The following EFCAB5 variants were observed in gnomAD, a reference collection of about 807,000 sequenced individuals.
EFCAB5 encodes EF-hand calcium binding domain 5, also known as EF-hand calcium-binding domain-containing protein 5.
In EFCAB5, 131 loss-of-function variants were observed where a neutral mutation model predicts 167.9. The ratio of observed to expected loss-of-function variants is 0.78; its 90% CI spans 0.68 to 0.90. The LOEUF is 0.90. Ranked by LOEUF, EFCAB5 falls within the 40% of genes least tolerant of loss-of-function variation. The pLI, the probability that EFCAB5 is intolerant of heterozygous loss-of-function variation, is 0.00. For synonymous variants in EFCAB5, 574 were observed against 602.8 expected, an observed-to-expected ratio of 0.95 and a Z score of 0.70; for missense variants, 1,663 against 1,745.2, an observed-to-expected ratio of 0.95 and a Z score of 0.84.
At chr17:30,009,754 T>C (rs7217638) in intron 7 of EFCAB5, among the ~76,000 whole-genome samples, 92,755 of 151,960 alleles carry the variant, frequency 0.61, 30,255 homozygotes, top group African/African-American at 0.85. Context: ...AGTGGAATTG[T>C]TGGGTCATGT....
intron 14 of EFCAB5, chr17:30,073,153 T>A (rs1176702576): frequency 1.4e-6 from 1 of 699,582 alleles, no homozygotes; most frequent in South Asian, 1.5e-5. Context: ...ACTCCCGGAC[T>A]CAAGCGATCA....
chr17:30,055,878 C>G lies in EFCAB5; in HGVS notation c.2195-10C>G. 1 of 1,608,766 alleles carries G rather than the reference C, an allele frequency of 6.2e-7. No individual in the cohort carries two copies. The highest frequency in any genetic ancestry group is 1.3e-5 in the African/African-American group (1 of 74,538). ...TCTAATTCATAAGCATTTTCATTTG[C>G]ACCTTTTAGAAACTACAAAAAAGGA... On this transcript the variant is annotated splice_polypyrimidine_tract_variant and intron_variant, in intron 10 of 22. Transcript: ENST00000394835.
intron 3 of EFCAB5, among the ~76,000 whole-genome samples, chr17:29,957,608 T>C (rs949094841): frequency 2.0e-5 from 3 of 152,148 alleles, no homozygotes; most frequent in Non-Finnish European, 4.4e-5. Context: ...TGTTAGTTTG[T>C]TGAGGATAAT....
Position 30,034,255 on chromosome 17 carries a change from TGAA to T in EFCAB5, c.1073_1075del (p.Lys358del), listed in dbSNP as rs1428556671. 5 of 1,613,872 alleles carry T rather than the reference TGAA, an allele frequency of 3.1e-6. No homozygotes were observed. Among genetic ancestry groups the T allele is most frequent in the Non-Finnish European group, 4.2e-6 (5 of 1,179,878 alleles). ...TACATCTCTTCACATATTAAAGACT[TGAA>T]GAGTGAAATGTTTGAGGAACTTCTT... On this transcript the variant is annotated inframe_deletion, in exon 8 of 23. Coordinates refer to ENST00000394835, the MANE Select transcript of EFCAB5 (RefSeq NM_198529.4).
intron 5 of EFCAB5, among the ~76,000 whole-genome samples, chr17:29,993,788 A>G (rs1297303791): frequency 3.9e-5 from 6 of 152,146 alleles, no homozygotes; most frequent in Non-Finnish European, 8.8e-5. Context: ...AAATAGATCA[A>G]GGAAGACAAG....
intron 14 of EFCAB5, among the ~76,000 whole-genome samples, chr17:30,064,925 A>G (rs1176963503): frequency 6.6e-6 from 1 of 152,210 alleles, no homozygotes; most frequent in African/African-American, 2.4e-5. Flanking sequence ...AAGTGCTGAA[A>G]GAAAAAAAAA....
chr17:29,964,806 A>C (rs2067793512), intron 3 of EFCAB5, among the ~76,000 whole-genome samples: 1 of 148,572 alleles, frequency 6.7e-6, no homozygotes, highest in South Asian at 2.1e-4. Context: ...GTTTATCTCT[A>C]CTTTAACCTT....
chr17:30,101,613 C>T (rs149902759), intron 22 of EFCAB5, among the ~76,000 whole-genome samples: 4 of 152,188 alleles, frequency 2.6e-5, no homozygotes, highest in East Asian at 3.9e-4. Context: ...GATATAAAAT[C>T]GAGATTGGTT....
In EFCAB5 at chr17:30,064,649, C is replaced by T. The variant is rs564112501; in HGVS notation, c.2737+4948C>T. On this transcript the variant is annotated intron_variant, in intron 14 of 22. Transcript: ENST00000394835. ...TCCCAAGTCTGGGGAGATATATGGA[C>T]GTCCAGATCCAGGAAGCTCAAAATT... Among the ~76,000 whole-genome samples, 42 of 152,238 alleles carry T rather than the reference C, an allele frequency of 2.8e-4. 1 individual carries two copies. In the South Asian group the frequency reaches 5.2e-3, roughly 19 times the overall value.
chr17:29,941,093 A>T (rs1039281932), upstream of EFCAB5, among the ~76,000 whole-genome samples: 1 of 152,110 alleles, frequency 6.6e-6, no homozygotes, highest in Non-Finnish European at 1.5e-5. Context: ...GATACATACT[A>T]TTTCAAATTA....
intron 4 of EFCAB5, 110 bp from the exon 5 acceptor site, chr17:29,993,054 TG>T: frequency 8.8e-7 from 1 of 1,140,124 alleles, no homozygotes; most frequent in Non-Finnish European, 1.2e-6. Flanking sequence ...AAAGATTTTA[TG>T]GAGAAAAGAC....
At chr17:29,951,602 G>A (rs536754380) in intron 3 of EFCAB5, among the ~76,000 whole-genome samples, 8 of 151,590 alleles carry the variant, frequency 5.3e-5, no homozygotes, top group Admixed American at 2.0e-4. Flanking sequence ...TGATCTGCCC[G>A]CCTTGGCCTC....
At chr17:30,036,957 G>A (rs905170216) in intron 8 of EFCAB5, among the ~76,000 whole-genome samples, 1 of 152,170 alleles carries the variant, frequency 6.6e-6, no homozygotes, top group South Asian at 2.1e-4. Context: ...CCCTAAGTCA[G>A]AGTTAGCACC....
intron 7 of EFCAB5, 55 bp downstream of exon 7, chr17:30,000,031 T>C: frequency 7.5e-7 from 1 of 1,335,464 alleles, no homozygotes; most frequent in East Asian, 2.5e-5. Context: ...GTTTCAATTG[T>C]CTGTTGGTGG....
chr17:29,947,346 G>A (rs537908745), intron 3 of EFCAB5, among the ~76,000 whole-genome samples: 6 of 152,184 alleles, frequency 3.9e-5, no homozygotes, highest in Admixed American at 3.9e-4. Flanking sequence ...TTCTCACTTA[G>A]AAGTGGGAGC....
intron 7 of EFCAB5, among the ~76,000 whole-genome samples, chr17:30,016,406 C>T (rs181640500): frequency 4.6e-5 from 7 of 151,970 alleles, no homozygotes; most frequent in Non-Finnish European, 1.0e-4. Flanking sequence ...GTCTTTGATC[C>T]ACTTTGAGTT....
chr17:30,106,106 A>G (rs2071446032), intron 22 of EFCAB5, among the ~76,000 whole-genome samples: 1 of 152,002 alleles, frequency 6.6e-6, no homozygotes, highest in African/African-American at 2.4e-5. Context: ...TGGATAGAAG[A>G]CTTGATATTT....
At chr17:30,040,249 C>T (rs1297964936) in intron 8 of EFCAB5, among the ~76,000 whole-genome samples, 1 of 152,210 alleles carries the variant, frequency 6.6e-6, no homozygotes, top group Non-Finnish European at 1.5e-5. Flanking sequence ...CAAGGGCCAT[C>T]CAGCCTCCAT....
At chr17:29,944,788 T>C (rs953604729) in intron 3 of EFCAB5, among the ~76,000 whole-genome samples, 2 of 152,012 alleles carry the variant, frequency 1.3e-5, no homozygotes, top group Non-Finnish European at 2.9e-5. Flanking sequence ...CACACCCGGC[T>C]AAGTTTGTAT....
Sources: gnomAD v4.1 joint callset for allele counts (sites outside exome capture counted in the v4.1 genomes callset) on GRCh38, gnomAD v4.1.1 for gene constraint, MANE v1.5 for transcripts, NCBI Gene and HGNC (gene_info 2026-07-23, HGNC 2026-07-21) for gene names.